CDK6: variants seen among roughly 807,000 people sequenced by gnomAD.
The protein encoded by CDK6 is cyclin-dependent kinase 6.
Under a neutral mutation model 37.1 loss-of-function variants are expected in CDK6, and 6 were observed. The observed-to-expected ratio is 0.16, with a 90% CI of 0.09 to 0.32. The LOEUF is 0.32. Among genes scored for constraint, CDK6 ranks in the 10% least tolerant of loss-of-function variants. CDK6 has a pLI of 1.00. For missense variants in CDK6, 224 were observed against 418.9 expected (o/e 0.53, Z 4.06); for synonymous variants, 160 against 161.3 (o/e 0.99, Z 0.06).
rs1795453893 is a variant in CDK6, at chr7:92,607,453, A to T, written c.*7687T>A. ...CAAAGTCCTTTACTTTAATTCCTTT[A>T]CATAATGATAAAACACCTAGATACC... On this transcript the variant is annotated 3_prime_UTR_variant, in exon 8 of 8. Transcript: ENST00000424848. 8.6e-6 allele frequency: 2 copies of T among 232,982 alleles called. No individual in the cohort carries two copies. Among genetic ancestry groups the T allele is most frequent in the Non-Finnish European group, 1.7e-5 (2 of 117,964 alleles). The allele number at this position is 232,982 out of a possible 1,614,324, so 14.4% of individuals were successfully genotyped here.
chr7:92,755,923 A>T (rs1799307093), intron 3 of CDK6, among the ~76,000 whole-genome samples: 3 of 152,096 alleles, frequency 2.0e-5, no homozygotes. Flanking sequence ...TCTTTCTTGC[A>T]CATACAAGTG....
chr7:92,703,048 G>A (rs748611658), intron 4 of CDK6, among the ~76,000 whole-genome samples: 9 of 152,044 alleles, frequency 5.9e-5, no homozygotes, highest in East Asian at 5.8e-4. Flanking sequence ...ATCCCTAATC[G>A]AGACCCACTG....
intron 5 of CDK6, among the ~76,000 whole-genome samples, chr7:92,631,551 TTCTC>T (rs1259360471): frequency 2.6e-5 from 4 of 152,200 alleles, no homozygotes; most frequent in Non-Finnish European, 5.9e-5. Flanking sequence ...AAGATGTTAT[TTCTC>T]TCTTTCAGTA....
In CDK6 at chr7:92,605,624, C is replaced by T. The variant is rs775177255; in HGVS notation, c.*9516G>A. 4.3e-6 allele frequency: 1 copy of T among 233,096 alleles called. No individual in the cohort carries two copies. Among genetic ancestry groups the T allele is most frequent in the Non-Finnish European group, 8.5e-6 (1 of 117,982 alleles). The allele number at this position is 233,096 out of a possible 1,614,324, so 14.4% of individuals were successfully genotyped here. A position where few individuals can be genotyped will look rare whatever the true frequency, so the allele number is the denominator to read the frequency against. ...AGGAGCAAGAGCATTCAGCTCAGAGCATTCTGAAGACAGTAGCCTTAGAGA... is the reference window on the plus strand; with the variant it reads ...AGGAGCAAGAGCATTCAGCTCAGAGTATTCTGAAGACAGTAGCCTTAGAGA... On this transcript the variant is annotated 3_prime_UTR_variant, in exon 8 of 8. Transcript: ENST00000424848.
At chr7:92,807,794 G>A (rs976828017) in intron 2 of CDK6, among the ~76,000 whole-genome samples, 5 of 151,984 alleles carry the variant, frequency 3.3e-5, no homozygotes, top group Non-Finnish European at 7.4e-5. Context: ...ACAGTCAAAC[G>A]GTATAACCAA....
At chr7:92,771,765 C>T (rs953719489) in intron 3 of CDK6, among the ~76,000 whole-genome samples, 3 of 152,150 alleles carry the variant, frequency 2.0e-5, no homozygotes, top group Non-Finnish European at 4.4e-5. Context: ...GCTCTTATTC[C>T]AACAGAGCAT....
At chr7:92,795,816 T>C (rs1206637755) in intron 2 of CDK6, among the ~76,000 whole-genome samples, 1 of 152,186 alleles carries the variant, frequency 6.6e-6, no homozygotes, top group African/African-American at 2.4e-5. Flanking sequence ...ATTTTTACAT[T>C]ATGCATTTTG....
intron 2 of CDK6, among the ~76,000 whole-genome samples, chr7:92,810,365 G>A (rs1369405571): frequency 6.6e-6 from 1 of 152,132 alleles, no homozygotes; most frequent in African/African-American, 2.4e-5. Flanking sequence ...TATATAATAG[G>A]GGAAATAACA....
At chr7:92,731,716 T>G (rs1325323680) in intron 3 of CDK6, among the ~76,000 whole-genome samples, 1 of 151,868 alleles carries the variant, frequency 6.6e-6, no homozygotes, top group East Asian at 1.9e-4. Flanking sequence ...ATGATAATGC[T>G]GAGAAGGTAA....
At chr7:92,735,662 G>A (rs1031024249) in intron 3 of CDK6, among the ~76,000 whole-genome samples, 1 of 152,138 alleles carries the variant, frequency 6.6e-6, no homozygotes, top group African/African-American at 2.4e-5. Context: ...TCCAAGAATC[G>A]AACAAGGCAC....
intron 5 of CDK6, among the ~76,000 whole-genome samples, chr7:92,647,442 G>GGCAAT (rs1327036126): frequency 6.6e-6 from 1 of 152,206 alleles, no homozygotes; most frequent in Non-Finnish European, 1.5e-5. Context: ...AGTTGAGGAG[G>GGCAAT]TGAGTGGGCA....
chr7:92,667,205 T>C (rs1321977106), intron 5 of CDK6, among the ~76,000 whole-genome samples: 1 of 152,156 alleles, frequency 6.6e-6, no homozygotes, highest in African/African-American at 2.4e-5. Flanking sequence ...TGTTTTTGTG[T>C]TTATTTATTT....
chr7:92,624,821 TG>T (rs1365035112), intron 5 of CDK6, among the ~76,000 whole-genome samples: 1 of 152,170 alleles, frequency 6.6e-6, no homozygotes, highest in East Asian at 1.9e-4. Flanking sequence ...TAATCTCATT[TG>T]ATTCTCACAA....
At chr7:92,778,946 TA>T (rs1554412777) in intron 2 of CDK6, among the ~76,000 whole-genome samples, 1 of 134,998 alleles carries the variant, frequency 7.4e-6, no homozygotes, top group Non-Finnish European at 1.5e-5. Context: ...TATATATATA[TA>T]AGATATTATA....
rs1004175120 is a variant in CDK6, at chr7:92,638,658, T to C, written c.648-15572A>G. Reference sequence around the variant, plus strand: ...TAACTGACTCAGAGTCTCTTTAGTCTATTCCAGAGTGGGTTCCTTGAATGC... The same window carrying C: ...TAACTGACTCAGAGTCTCTTTAGTCCATTCCAGAGTGGGTTCCTTGAATGC... On this transcript the variant is annotated intron_variant, in intron 5 of 7. Transcript: ENST00000424848. 5.9e-5 allele frequency among the ~76,000 whole-genome samples: 9 copies of C among 152,340 alleles called. 1 individual carries two copies. The South Asian group carries it at 1.9e-3, about 32-fold the overall frequency.
At chr7:92,704,907 A>G (rs1414840031) in intron 4 of CDK6, among the ~76,000 whole-genome samples, 4 of 152,246 alleles carry the variant, frequency 2.6e-5, no homozygotes, top group African/African-American at 7.2e-5. Flanking sequence ...TATAGTTAAT[A>G]CCAAATTATT....
chr7:92,821,700 C>G (rs1020033953), intron 2 of CDK6, among the ~76,000 whole-genome samples: 11 of 151,038 alleles, frequency 7.3e-5, no homozygotes, highest in Non-Finnish European at 1.6e-4. Context: ...TCTTTCATTA[C>G]TATATATATT....
At chr7:92,649,547 CATAGTT>C (rs1343014392) in intron 5 of CDK6, among the ~76,000 whole-genome samples, 1 of 152,154 alleles carries the variant, frequency 6.6e-6, no homozygotes, top group African/African-American at 2.4e-5. Flanking sequence ...GGATAACAAT[CATAGTT>C]ATAGCTAACA....
chr7:92,645,089 G>C (rs1011323113), intron 5 of CDK6, among the ~76,000 whole-genome samples: 14 of 152,336 alleles, frequency 9.2e-5, no homozygotes, highest in African/African-American at 3.4e-4. Flanking sequence ...AGAAGGAAAA[G>C]TACACACCCC....
Sources: gnomAD v4.1 joint callset for allele counts (sites outside exome capture counted in the v4.1 genomes callset) on GRCh38, gnomAD v4.1.1 for gene constraint, MANE v1.5 for transcripts, NCBI Gene and HGNC (gene_info 2026-07-23, HGNC 2026-07-21) for gene names.